RNGTT: variants seen among roughly 807,000 people sequenced by gnomAD.
RNGTT encodes RNA guanylyltransferase and 5'-phosphatase, also known as mRNA-capping enzyme.
A neutral mutation model predicts 79.3 loss-of-function variants in RNGTT; 33 were observed. The ratio of observed to expected loss-of-function variants is 0.42; its 90% CI spans 0.32 to 0.56. RNGTT has a LOEUF of 0.56. RNGTT is among the 20% of genes least tolerant of loss of function. RNGTT has a pLI of 0.17. For missense variants in RNGTT, 497 were observed against 739.1 expected (o/e 0.67, Z 3.80); for synonymous variants, 222 against 235.9 (o/e 0.94, Z 0.54).
intron 13 of RNGTT, among the ~76,000 whole-genome samples, chr6:88,718,808 G>A (rs996478427): frequency 2.8e-4 from 42 of 152,106 alleles, no homozygotes; most frequent in African/African-American, 9.9e-4. Flanking sequence ...GAACCACAGC[G>A]AAGAAGTAGA....
At chr6:88,938,662 A>AT (rs1784747097) in intron 2 of RNGTT, among the ~76,000 whole-genome samples, 1 of 151,966 alleles carries the variant, frequency 6.6e-6, no homozygotes, top group Non-Finnish European at 1.5e-5. Context: ...TAGTGGTAAC[A>AT]TTTGAGTTTT....
chr6:88,735,559 A>G (rs931836982), intron 13 of RNGTT, among the ~76,000 whole-genome samples: 6 of 148,348 alleles, frequency 4.0e-5, no homozygotes, highest in African/African-American at 1.5e-4. Context: ...TCAGAATAAC[A>G]CGAGTGTTAA....
intron 11 of RNGTT, among the ~76,000 whole-genome samples, chr6:88,825,391 T>A (rs1221879528): frequency 6.6e-6 from 1 of 152,188 alleles, no homozygotes; most frequent in African/African-American, 2.4e-5. Context: ...GTGGCATAGA[T>A]TCCATTTTTA....
At chr6:88,633,909 C>G (rs1156236085) in intron 14 of RNGTT, among the ~76,000 whole-genome samples, 1 of 152,172 alleles carries the variant, frequency 6.6e-6, no homozygotes, top group East Asian at 1.9e-4. Context: ...AGCAAGCAAA[C>G]CATCTCACAC....
In RNGTT at chr6:88,611,743, G is replaced by A. The variant is rs1772034549; in HGVS notation, c.*976C>T. 1 of 152,606 alleles carries A rather than the reference G, an allele frequency of 6.6e-6. No homozygotes were observed. Among genetic ancestry groups the A allele is most frequent in the South Asian group, 2.1e-4 (1 of 4,830 alleles). 9.5% of individuals were successfully genotyped at this position (152,606 alleles called of 1,614,324 possible). On this transcript the variant is annotated 3_prime_UTR_variant, in exon 16 of 16. Coordinates refer to ENST00000369485, the MANE Select transcript of RNGTT (RefSeq NM_003800.5). ...TTCTGGTGACAGCATTCTATTCCAT[G>A]ACATTACCTTCTAATCAAAGAAGTT... is the stretch of plus-strand genomic sequence containing the variant.
At chr6:88,701,687 T>C (rs567961763) in intron 13 of RNGTT, among the ~76,000 whole-genome samples, 1 of 152,220 alleles carries the variant, frequency 6.6e-6, no homozygotes, top group African/African-American at 2.4e-5. Flanking sequence ...TGCCATGAAT[T>C]AGGTCCCATG....
intron 11 of RNGTT, among the ~76,000 whole-genome samples, chr6:88,813,440 C>G (rs1035709429): frequency 2.6e-5 from 4 of 152,184 alleles, no homozygotes; most frequent in African/African-American, 9.7e-5. Context: ...CACAGAGAGA[C>G]AGATTTGAGC....
intron 13 of RNGTT, among the ~76,000 whole-genome samples, chr6:88,725,157 G>C (rs1227666689): frequency 6.6e-6 from 1 of 152,274 alleles, no homozygotes; most frequent in South Asian, 2.1e-4. Flanking sequence ...TTCCCTTCCC[G>C]GGGCGGTCTC....
intron 13 of RNGTT, among the ~76,000 whole-genome samples, chr6:88,705,828 A>G (rs991729236): frequency 7.2e-5 from 11 of 152,110 alleles, no homozygotes; most frequent in African/African-American, 2.7e-4. Context: ...TGTTATTATT[A>G]TGGAACTCAA....
chr6:88,696,073 T>A (rs1043975852), intron 13 of RNGTT, among the ~76,000 whole-genome samples: 7 of 152,176 alleles, frequency 4.6e-5, no homozygotes, highest in Non-Finnish European at 1.0e-4. Context: ...GTTTTTGGGA[T>A]ACACTGCACA....
rs1322767913 is a variant in RNGTT at position 88,612,676 on chromosome 6, C to T, written c.*43G>A. Reference sequence around the variant, plus strand: ...ACAAAAATGGGCAACAGCGTTTTTTCCTCATTCCTCTTTCTTCTTAACCCT... The same window carrying T: ...ACAAAAATGGGCAACAGCGTTTTTTTCTCATTCCTCTTTCTTCTTAACCCT... On this transcript the variant is annotated 3_prime_UTR_variant, in exon 16 of 16. Coordinates refer to ENST00000369485, the MANE Select transcript of RNGTT (RefSeq NM_003800.5). 4 of 1,361,566 alleles carry T rather than the reference C, an allele frequency of 2.9e-6. No homozygotes were observed. Among genetic ancestry groups the T allele is most frequent in the South Asian group, 2.4e-5 (2 of 82,646 alleles). 84.3% of individuals were successfully genotyped at this position (1,361,566 alleles called of 1,614,324 possible).
At chr6:88,856,947 CA>C (rs1332969637) in intron 8 of RNGTT, among the ~76,000 whole-genome samples, 1 of 152,026 alleles carries the variant, frequency 6.6e-6, no homozygotes, top group African/African-American at 2.4e-5. Context: ...TCAGAATTAT[CA>C]ATAGGTATTT....
intron 13 of RNGTT, among the ~76,000 whole-genome samples, chr6:88,725,025 C>T (rs181513451): frequency 1.9e-4 from 29 of 152,334 alleles, no homozygotes; most frequent in Non-Finnish European, 4.4e-5. Flanking sequence ...TAAGGGCACA[C>T]CCTTCTATAG....
At chr6:88,701,973 A>C (rs749617134) in intron 13 of RNGTT, among the ~76,000 whole-genome samples, 6 of 152,178 alleles carry the variant, frequency 3.9e-5, no homozygotes, top group Non-Finnish European at 8.8e-5. Context: ...AGCCACAAAA[A>C]ACACACACAA....
intron 14 of RNGTT, among the ~76,000 whole-genome samples, chr6:88,654,708 A>C (rs530073888): frequency 9.9e-5 from 15 of 152,252 alleles, no homozygotes; most frequent in Non-Finnish European, 1.8e-4. Context: ...TGTATCACAA[A>C]ATGTGGCACT....
intron 11 of RNGTT, among the ~76,000 whole-genome samples, chr6:88,819,445 A>G (rs1275418715): frequency 6.6e-6 from 1 of 152,232 alleles, no homozygotes; most frequent in Non-Finnish European, 1.5e-5. Flanking sequence ...CACATGTGCC[A>G]CAAAACAACC....
chr6:88,637,242 A>C (rs1773133411), intron 14 of RNGTT, among the ~76,000 whole-genome samples: 1 of 152,110 alleles, frequency 6.6e-6, no homozygotes, highest in South Asian at 2.1e-4. Flanking sequence ...TCCTTCAACT[A>C]AACAACAAGA....
At chr6:88,931,445 G>A (rs1784510787) in intron 2 of RNGTT, among the ~76,000 whole-genome samples, 1 of 152,176 alleles carries the variant, frequency 6.6e-6, no homozygotes, top group Admixed American at 6.5e-5. Flanking sequence ...GGCAGATAGA[G>A]AGCAAAAGTG....
intron 13 of RNGTT, among the ~76,000 whole-genome samples, chr6:88,681,835 T>C (rs929435008): frequency 5.1e-4 from 77 of 152,168 alleles, no homozygotes; most frequent in African/African-American, 1.8e-3. Context: ...CTGTAAGATA[T>C]TTGCTTGCAA....
Sources: allele counts gnomAD v4.1 joint callset (sites outside exome capture counted in the v4.1 genomes callset), GRCh38; gene constraint gnomAD v4.1.1; transcripts MANE v1.5; gene names NCBI Gene and HGNC (gene_info 2026-07-23, HGNC 2026-07-21).